CDH23: variants seen among roughly 807,000 people sequenced by gnomAD.
The protein encoded by CDH23 is cadherin-23.
Under a neutral mutation model 317.1 loss-of-function variants are expected in CDH23, and 189 were observed. The observed-to-expected ratio is 0.60, with a 90% CI of 0.53 to 0.67. The LOEUF (loss-of-function observed/expected upper bound fraction) is 0.67. Ranked by LOEUF, CDH23 falls within the 30% of genes least tolerant of loss-of-function variation. The pLI is 0.00. For synonymous variants in CDH23, 1,839 were observed against 1,876.8 expected, an observed-to-expected ratio of 0.98 and a Z score of 0.52; for missense variants, 4,401 against 4,592.4, an observed-to-expected ratio of 0.96 and a Z score of 1.20.
intron 6 of CDH23, among the ~76,000 whole-genome samples, chr10:71,523,580 C>T (rs115989018): frequency 0.011 from 1,666 of 152,196 alleles, 33 homozygotes; most frequent in African/African-American, 0.038. Context: ...AGGCACGGGT[C>T]GGAGCCAGCA....
At chr10:71,661,196 G>A (rs186890042) in intron 14 of CDH23, among the ~76,000 whole-genome samples, 1 of 152,116 alleles carries the variant, frequency 6.6e-6, no homozygotes, top group Non-Finnish European at 1.5e-5. Context: ...AATCTGTAGG[G>A]CTGAGATGTG....
In CDH23 at chr10:71,495,831, A is replaced by AGGAAGGAAGGAAGGAAGGAAGGAAGGAAG; in HGVS notation, c.146-14250_146-14249insGAAGGAAGGAAGGAAGGAAGGAAGGAAGG. ...TTTGGAAAAAAAAAAAAAGAAAGAA[A>AGGAAGGAAGGAAGGAAGGAAGGAAGGAAG]GAAAGAAAGAAGGAAAGAAAGAAAA... On this transcript the variant is annotated intron_variant, in intron 3 of 69. Coordinates refer to ENST00000224721, the MANE Select transcript of CDH23 (RefSeq NM_022124.6). Among the ~76,000 whole-genome samples, 50 of 148,530 alleles carry AGGAAGGAAGGAAGGAAGGAAGGAAGGAAG rather than the reference A, an allele frequency of 3.4e-4. 2 individuals are homozygous for AGGAAGGAAGGAAGGAAGGAAGGAAGGAAG. Among genetic ancestry groups the AGGAAGGAAGGAAGGAAGGAAGGAAGGAAG allele is most frequent in the African/African-American group, 1.3e-3 (49 of 38,498 alleles).
chr10:71,570,998 G>A (rs1857761587), intron 8 of CDH23, 80 bp downstream of exon 8: 2 of 1,526,214 alleles, frequency 1.3e-6, no homozygotes, highest in Non-Finnish European at 9.0e-7. Context: ...GATGGGCCCT[G>A]TTAGTGGGCT....
chr10:71,560,575 T>C (rs1210046184), intron 6 of CDH23, among the ~76,000 whole-genome samples: 2 of 152,148 alleles, frequency 1.3e-5, no homozygotes, highest in African/African-American at 4.8e-5. Flanking sequence ...CTGTGCGACC[T>C]TGGACAAGTG....
At chr10:71,688,475 G>A (rs1361281774) in intron 19 of CDH23, among the ~76,000 whole-genome samples, 1 of 151,342 alleles carries the variant, frequency 6.6e-6, no homozygotes, top group East Asian at 1.9e-4. Flanking sequence ...GGATGGTGGA[G>A]CCAGGGGTCG....
At chr10:71,454,032 C>T (rs921792732) in intron 3 of CDH23, among the ~76,000 whole-genome samples, 3 of 152,164 alleles carry the variant, frequency 2.0e-5, no homozygotes, top group African/African-American at 7.2e-5. Context: ...GGGGGTGTAA[C>T]AGTCTGTATT....
chr10:71,543,954 A>C (rs550432944), intron 6 of CDH23, among the ~76,000 whole-genome samples: 1 of 152,312 alleles, frequency 6.6e-6, no homozygotes, highest in South Asian at 2.1e-4. Context: ...GAAGGAGAAA[A>C]AAAAAAGATG....
At chr10:71,686,112 G>C (rs1056941269) in intron 18 of CDH23, among the ~76,000 whole-genome samples, 2 of 152,070 alleles carry the variant, frequency 1.3e-5, no homozygotes, top group Non-Finnish European at 2.9e-5. Context: ...TTTCCCATTA[G>C]GGGACAATAA....
At chr10:71,768,226 A>G (rs1258379695) in intron 38 of CDH23, among the ~76,000 whole-genome samples, 1 of 152,158 alleles carries the variant, frequency 6.6e-6, no homozygotes, top group Non-Finnish European at 1.5e-5. Context: ...GCTGGAGTTC[A>G]GTGGTGCAAT....
At chr10:71,422,730 G>C (rs1420044054) in intron 1 of CDH23, among the ~76,000 whole-genome samples, 1 of 152,184 alleles carries the variant, frequency 6.6e-6, no homozygotes, top group African/African-American at 2.4e-5. Flanking sequence ...CATCAATGTG[G>C]GTGGCTTTCC....
At position 71,806,275 on chromosome 10, in the gene CDH23, G is replaced by A. The variant is rs1841718479; in HGVS notation, c.8172G>A (p.Arg2724=). The change falls in exon 57 of 70, where the codon AGG becomes AGA. Residue 2724 remains arginine (R), a synonymous_variant. Transcript: ENST00000224721. ...ATGACAACGAACCCCTTTTCGTGAG[G>A]CCTCCAGTGAGCTTGCCCACCTCCT... The part of the protein sequence containing the change: ...DIDDNEPLFV[R]PPKGSPQYQL... 2.6e-6 allele frequency: 4 copies of A among 1,554,820 alleles called. No homozygotes were observed. Among genetic ancestry groups the A allele is most frequent in the East Asian group, 4.8e-5 (2 of 41,410 alleles).
At chr10:71,773,243 G>T (rs1840727898) in intron 38 of CDH23, 1 of 1,223,544 alleles carries the variant, frequency 8.2e-7, no homozygotes, top group Non-Finnish European at 1.1e-6. Context: ...GTGGAGTGGG[G>T]TGCACGGTCA....
chr10:71,566,909 G>A lies in CDH23; in HGVS notation c.597G>A (p.Gln199=), dbSNP rs765511401. 1.7e-5 allele frequency: 28 copies of A among 1,613,476 alleles called. No homozygotes were observed. The highest frequency in any genetic ancestry group is 2.2e-5 in the South Asian group (2 of 91,084). Residue 199 remains glutamine (Q), a synonymous_variant, in exon 7 of 70, where the codon CAG becomes CAA. Transcript: ENST00000224721. ...VIRELDYETT[Q]AYQLTVNATD... ...GGGAGCTGGACTACGAGACCACACA[G>A]GCCTACCAGCTCACGGTCAACGCCA...
intron 6 of CDH23, among the ~76,000 whole-genome samples, chr10:71,535,038 C>A (rs1382074744): frequency 1.3e-5 from 2 of 152,220 alleles, no homozygotes; most frequent in African/African-American, 4.8e-5. Context: ...TTTGCCTGTG[C>A]CCTCCGCGGC....
Position 71,397,634 on chromosome 10 carries a change from G to C in CDH23, c.-6+316G>C, listed in dbSNP as rs529190603. ...GTCCTGGGACCGCGAACATTTGGGGGCTTTGCTCTCGGCGCTACGGAGAGG... is the reference window on the plus strand; with the variant it reads ...GTCCTGGGACCGCGAACATTTGGGGCCTTTGCTCTCGGCGCTACGGAGAGG... On this transcript the variant is annotated intron_variant, in intron 1 of 69. Coordinates refer to ENST00000224721, the MANE Select transcript of CDH23 (RefSeq NM_022124.6). The surrounding 1 kb of genome is among the most constrained non-coding windows in gnomAD (Gnocchi z 4.8). Among the ~76,000 whole-genome samples the C allele has an allele frequency of 1.3e-5, 2 of 152,212 alleles. No homozygotes were observed. Among genetic ancestry groups the C allele is most frequent in the East Asian group, 2.0e-4 (1 of 5,128 alleles).
chr10:71,523,001 G>GC lies in CDH23; in HGVS notation c.429+11795dup, dbSNP rs561602718. 7.1e-4 allele frequency among the ~76,000 whole-genome samples: 108 copies of GC among 152,202 alleles called. No individual in the cohort carries two copies. The East Asian group carries it at 0.015, about 22-fold the overall frequency. On this transcript the variant is annotated intron_variant, in intron 6 of 69. Transcript: ENST00000224721. ...GTCTCACATCTTACGGCTCTTGTCT[G>GC]CCCCCCAAAGCAAGCCCAAATGCAT... is the stretch of plus-strand genomic sequence containing the variant.
chr10:71,812,157 AC>A, intron 66 of CDH23, 142 bp downstream of exon 66: 17 of 1,585,878 alleles, frequency 1.1e-5, no homozygotes, highest in Non-Finnish European at 1.5e-5. Flanking sequence ...CCCTCCCTTC[AC>A]CCTCCCTCCA....
rs550806625 is a variant in CDH23 at position 71,658,426 on chromosome 10, C to G, written c.1449+11809C>G. Among the ~76,000 whole-genome samples the G allele has an allele frequency of 5.9e-5, 9 of 152,332 alleles. No individual in the cohort carries two copies. In the South Asian group the frequency reaches 1.9e-3, roughly 32 times the overall value. On this transcript the variant is annotated intron_variant, in intron 14 of 69. Transcript: ENST00000224721. Reference sequence around the variant, plus strand: ...GTCTGATGGTTTTCAGCTGATTGGTCATTCAACAAATTGATTTTTGGCAAA... The same window carrying G: ...GTCTGATGGTTTTCAGCTGATTGGTGATTCAACAAATTGATTTTTGGCAAA...
chr10:71,686,304 G>T (rs1044797519), intron 18 of CDH23, among the ~76,000 whole-genome samples: 4 of 152,052 alleles, frequency 2.6e-5, no homozygotes, highest in African/African-American at 9.7e-5. Flanking sequence ...CCCGCACCAG[G>T]GACAGGGGAG....
Sources: allele counts gnomAD v4.1 joint callset (sites outside exome capture counted in the v4.1 genomes callset), GRCh38; gene constraint gnomAD v4.1.1; non-coding constraint Gnocchi (gnomAD v3.1); transcripts MANE v1.5; gene names NCBI Gene and HGNC (gene_info 2026-07-23, HGNC 2026-07-21).